Variants in SMAD9 observed in about 807,000 individuals in gnomAD.
SMAD9 encodes MAD homolog 9.
In SMAD9, 36 loss-of-function variants were observed where a neutral mutation model predicts 46.1. The observed-to-expected ratio is 0.78, with a 90% confidence interval of 0.60 to 1.03. The LOEUF is 1.03. Among genes scored for constraint, SMAD9 ranks in the 50% least tolerant of loss-of-function variants. The pLI is 0.00. For missense variants in SMAD9, 572 were observed against 599.8 expected (o/e 0.95, Z 0.48); for synonymous variants, 245 against 237.1 (o/e 1.03, Z -0.31).
At chr13:36,909,766 G>C (rs367558807) in intron 1 of SMAD9, among the ~76,000 whole-genome samples, 1 of 152,176 alleles carries the variant, frequency 6.6e-6, no homozygotes, top group South Asian at 2.1e-4. Context: ...CTTTTGTGCA[G>C]AAGTACTGAG....
At chr13:36,865,905 G>A in intron 4 of SMAD9, 147 bp from the exon 5 acceptor site, 2 of 695,454 alleles carry the variant, frequency 2.9e-6, no homozygotes, top group Middle Eastern at 3.4e-4. Flanking sequence ...TTTAGAACCT[G>A]TAGCTCTCAT....
intron 1 of SMAD9, among the ~76,000 whole-genome samples, chr13:36,918,427 T>C (rs534429793): frequency 6.6e-6 from 1 of 152,328 alleles, no homozygotes; most frequent in African/African-American, 2.4e-5. Flanking sequence ...TGGGAGTTGG[T>C]TGTGTCAGAA....
At chr13:36,913,116 A>T (rs890510868) in intron 1 of SMAD9, among the ~76,000 whole-genome samples, 1 of 152,118 alleles carries the variant, frequency 6.6e-6, no homozygotes, top group Non-Finnish European at 1.5e-5. Flanking sequence ...TTTTTCTCCA[A>T]TATTTTTCAT....
chr13:36,895,779 C>T (rs1300929447), intron 1 of SMAD9, among the ~76,000 whole-genome samples: 2 of 152,030 alleles, frequency 1.3e-5, no homozygotes, highest in African/African-American at 4.8e-5. Flanking sequence ...GGCCTAGGGA[C>T]TGTTACCCAG....
At position 36,872,930 on chromosome 13, in the gene SMAD9, G is replaced by A; in HGVS notation, c.413-15C>T. The A allele has an allele frequency of 6.2e-7, 1 of 1,613,908 alleles. No homozygotes were observed. Among genetic ancestry groups the A allele is most frequent in the South Asian group, 1.1e-5 (1 of 91,040 alleles). On this transcript the variant is annotated splice_polypyrimidine_tract_variant and intron_variant, in intron 2 of 6. Transcript: ENST00000379826. ...AGGAGGCAGTACTAGGATCAGAAAGGAACAAGGCAGTTAGAATTGAACATT... is the reference window on the plus strand; with the variant it reads ...AGGAGGCAGTACTAGGATCAGAAAGAAACAAGGCAGTTAGAATTGAACATT...
At chr13:36,867,169 C>T in intron 4 of SMAD9, 104 bp downstream of exon 4, 2 of 759,872 alleles carry the variant, frequency 2.6e-6, no homozygotes, top group Non-Finnish European at 4.6e-6. Context: ...TGCAAAACAG[C>T]AGGCCAGTAC....
chr13:36,879,034 G>C (rs914513962), intron 2 of SMAD9, among the ~76,000 whole-genome samples: 1 of 152,126 alleles, frequency 6.6e-6, no homozygotes, highest in African/African-American at 2.4e-5. Context: ...TCTTTGGATT[G>C]AGTGTTCCTG....
intron 6 of SMAD9, chr13:36,852,361 T>A: frequency 1.0e-6 from 1 of 985,284 alleles, no homozygotes; most frequent in Non-Finnish European, 1.2e-6. Context: ...GATACTTTGA[T>A]AAGCCCATAT....
intron 4 of SMAD9, 62 bp downstream of exon 4, chr13:36,867,211 T>C: frequency 1.8e-6 from 2 of 1,113,556 alleles, no homozygotes; most frequent in Non-Finnish European, 2.7e-6. Context: ...GTTGCTTTGT[T>C]TGGGGGTAAT....
chr13:36,908,183 C>A (rs139640288), intron 1 of SMAD9, among the ~76,000 whole-genome samples: 1 of 152,214 alleles, frequency 6.6e-6, no homozygotes, highest in South Asian at 2.1e-4. Context: ...ATGGAACAAT[C>A]TCTAGAGAAA....
chr13:36,854,372 ATTTT>A (rs879577105), intron 5 of SMAD9, among the ~76,000 whole-genome samples: 4 of 145,420 alleles, frequency 2.8e-5, no homozygotes, highest in South Asian at 2.2e-4. Context: ...CACAAATTTT[ATTTT>A]TTTTTTTTTG....
In SMAD9 at chr13:36,853,539, G is replaced by A. The variant is rs151258138; in HGVS notation, c.1140C>T (p.Cys380=). 15 of 1,614,054 alleles carry A rather than the reference G, an allele frequency of 9.3e-6. No homozygotes were observed. The highest frequency in any genetic ancestry group is 1.2e-5 in the Non-Finnish European group (14 of 1,180,050). The change falls in exon 6 of 7, where the codon TGC becomes TGT. Residue 380 remains cysteine, a synonymous_variant. Coordinates refer to ENST00000379826, the MANE Select transcript of SMAD9 (RefSeq NM_001127217.3). The part of the protein sequence containing the change: ...PATVCKIPSG[C]SLKVFNNQLF... ...GCTGGTTGTTGAAGACCTTGAGGCT[G>A]CAGCCGCTGGGGATCTTGCAGACGG...
intron 1 of SMAD9, among the ~76,000 whole-genome samples, chr13:36,916,931 G>GTA (rs2058702719): frequency 6.6e-6 from 1 of 151,824 alleles, no homozygotes; most frequent in South Asian, 2.1e-4. Flanking sequence ...GAAAGCCAGG[G>GTA]TATGCATGGA....
intron 1 of SMAD9, among the ~76,000 whole-genome samples, chr13:36,915,545 A>G (rs773260188): frequency 1.7e-4 from 25 of 150,674 alleles, no homozygotes; most frequent in Non-Finnish European, 2.7e-4. Flanking sequence ...GAATGAGACA[A>G]AGAGAGAGAG....
intron 1 of SMAD9, among the ~76,000 whole-genome samples, chr13:36,891,346 A>G (rs1375896990): frequency 6.6e-6 from 1 of 152,178 alleles, no homozygotes; most frequent in Non-Finnish European, 1.5e-5. Flanking sequence ...ATACTTTCCC[A>G]GATTCAAAAT....
chr13:36,912,895 A>C (rs1211483133), intron 1 of SMAD9, among the ~76,000 whole-genome samples: 1 of 152,178 alleles, frequency 6.6e-6, no homozygotes, highest in African/African-American at 2.4e-5. Context: ...AGTCATCCCC[A>C]GGTATCTATG....
intron 1 of SMAD9, among the ~76,000 whole-genome samples, chr13:36,883,434 G>C (rs2058420307): frequency 6.6e-6 from 1 of 152,192 alleles, no homozygotes; most frequent in African/African-American, 2.4e-5. Context: ...CACTTAAAAG[G>C]ATTTAAATCA....
chr13:36,879,290 C>A lies in SMAD9; in HGVS notation c.400G>T (p.Val134Leu). Residue 134 changes from valine to leucine, a missense_variant, in exon 2 of 7, where the codon GTG (valine) becomes TTG (leucine). Coordinates refer to ENST00000379826, the MANE Select transcript of SMAD9 (RefSeq NM_001127217.3). ...VCINPYHYRR[V>L]ETPVLPPVLV... The stretch of plus-strand genomic sequence containing the variant: ...AAAGACGACCCACCTGGAGTCTCCA[C>A]CCGGCGGTAGTGGTAAGGGTTAATG... 1.2e-6 allele frequency: 2 copies of A among 1,614,056 alleles called. No homozygotes were observed. The highest frequency in any genetic ancestry group is 1.7e-6 in the Non-Finnish European group (2 of 1,180,026).
intron 5 of SMAD9, among the ~76,000 whole-genome samples, chr13:36,863,304 T>A (rs1007429662): frequency 3.3e-5 from 5 of 151,940 alleles, no homozygotes; most frequent in East Asian, 3.9e-4. Flanking sequence ...CAAAAAAAAA[T>A]TTTTTTCCAC....
Sources: gnomAD v4.1 joint callset for allele counts (sites outside exome capture counted in the v4.1 genomes callset) on GRCh38, gnomAD v4.1.1 for gene constraint, MANE v1.5 for transcripts, NCBI Gene and HGNC (gene_info 2026-07-23, HGNC 2026-07-21) for gene names.